The following PTPRK variants were observed in gnomAD, a reference collection of about 807,000 sequenced individuals.
PTPRK encodes the protein receptor-type tyrosine-protein phosphatase kappa.
In PTPRK, 75 loss-of-function variants were observed where a neutral mutation model predicts 178.0. The observed-to-expected ratio is 0.42, with a 90% CI of 0.35 to 0.51. The LOEUF (loss-of-function observed/expected upper bound fraction) is 0.51. Among genes scored for constraint, PTPRK ranks in the 20% least tolerant of loss-of-function variants. The pLI is 0.02. For synonymous variants in PTPRK, 637 were observed against 620.6 expected (o/e 1.03, Z -0.39); for missense variants, 1,441 against 1,797.8 (o/e 0.80, Z 3.59).
chr6:128,012,133 T>C (rs1386736288), intron 13 of PTPRK, among the ~76,000 whole-genome samples: 2 of 151,330 alleles, frequency 1.3e-5, no homozygotes, highest in Admixed American at 6.6e-5. Context: ...TTGTTTTCCT[T>C]GACTGTGAAT....
chr6:128,470,025 T>G (rs1328449160), intron 1 of PTPRK, among the ~76,000 whole-genome samples: 4 of 152,108 alleles, frequency 2.6e-5, no homozygotes, highest in Non-Finnish European at 5.9e-5. Flanking sequence ...TTTGTGTTGT[T>G]TTACGCCGCT....
chr6:128,397,001 A>AAAC (rs1006427030), intron 2 of PTPRK, among the ~76,000 whole-genome samples: 1 of 152,090 alleles, frequency 6.6e-6, no homozygotes, highest in African/African-American at 2.4e-5. Context: ...CCATATCAAA[A>AAAC]AACAACAACA....
chr6:128,318,945 T>C (rs1584124844), intron 3 of PTPRK, among the ~76,000 whole-genome samples: 2 of 152,242 alleles, frequency 1.3e-5, no homozygotes, highest in East Asian at 3.9e-4. Context: ...CCATAGCAAA[T>C]AAAACAAATG....
At chr6:128,053,631 C>CGG (rs1779424412) in intron 13 of PTPRK, among the ~76,000 whole-genome samples, 1 of 152,180 alleles carries the variant, frequency 6.6e-6, no homozygotes, top group Non-Finnish European at 1.5e-5. Flanking sequence ...TGTGGACACT[C>CGG]TACTCCCTGC....
Position 128,000,726 on chromosome 6 carries a change from C to A in PTPRK, c.2495-1822G>T, listed in dbSNP as rs1387004190. On this transcript the variant is annotated intron_variant, in intron 15 of 29. Coordinates refer to ENST00000368226, the MANE Select transcript of PTPRK (RefSeq NM_002844.4). Reference sequence around the variant, plus strand: ...GAAGCAATTGATTTGGGCACTGCCACAGAATATACAGTTAAGGATGAGAAG... The same window carrying A: ...GAAGCAATTGATTTGGGCACTGCCAAAGAATATACAGTTAAGGATGAGAAG... Among the ~76,000 whole-genome samples the A allele has an allele frequency of 2.6e-5, 4 of 152,028 alleles. No individual in the cohort carries two copies. The South Asian group carries it at 8.3e-4, about 32-fold the overall frequency.
At chr6:128,080,543 G>GT (rs1420871264) in intron 10 of PTPRK, among the ~76,000 whole-genome samples, 2 of 151,908 alleles carry the variant, frequency 1.3e-5, no homozygotes, top group South Asian at 2.1e-4. Context: ...TTATCTGAGA[G>GT]TTTTTTAGGA....
intron 20 of PTPRK, 57 bp downstream of exon 20, chr6:127,991,237 G>T: frequency 7.5e-7 from 1 of 1,336,614 alleles, no homozygotes; most frequent in Non-Finnish European, 1.0e-6. Flanking sequence ...TGTCTTACAT[G>T]TTGCTTCTCA....
chr6:128,296,163 C>T (rs1462850102), intron 3 of PTPRK, among the ~76,000 whole-genome samples: 1 of 152,048 alleles, frequency 6.6e-6, no homozygotes, highest in Non-Finnish European at 1.5e-5. Flanking sequence ...TGCTCACTGC[C>T]ATCTAGCCAC....
chr6:128,298,554 G>C (rs1824929182), intron 3 of PTPRK, among the ~76,000 whole-genome samples: 1 of 152,090 alleles, frequency 6.6e-6, no homozygotes, highest in Non-Finnish European at 1.5e-5. Context: ...GGGATGCAAG[G>C]CTGGTTCAAT....
rs1491228623 is a variant in PTPRK at position 128,197,185 on chromosome 6, T to TA, written c.869-12461_869-12460insT. On this transcript the variant is annotated intron_variant, in intron 6 of 29. Coordinates refer to ENST00000368226, the MANE Select transcript of PTPRK (RefSeq NM_002844.4). ...TTTTTTAATCTCTTTTGTTTTTTTC[T>TA]TTTTTTTTTTTTTGGCTTAAAAAAT... 7.6e-3 allele frequency among the ~76,000 whole-genome samples: 7 copies of TA among 918 alleles called. No individual in the cohort carries two copies. The South Asian group carries it at 0.35, about 46-fold the overall frequency. The allele number at this position is 918 out of a possible 152,430, so 0.6% of individuals were successfully genotyped here.
chr6:128,310,663 A>G (rs17456601), intron 3 of PTPRK, among the ~76,000 whole-genome samples: 10,779 of 152,222 alleles, frequency 0.071, 426 homozygotes, highest in African/African-American at 0.083. Context: ...GGAACTCTCA[A>G]CATGAACAAG....
intron 3 of PTPRK, among the ~76,000 whole-genome samples, chr6:128,251,551 C>T (rs944224470): frequency 1.3e-5 from 2 of 152,146 alleles, no homozygotes; most frequent in Admixed American, 6.6e-5. Flanking sequence ...GTAACTAGGG[C>T]TCCAGAGATT....
At chr6:128,221,881 C>CA (rs374015470) in intron 5 of PTPRK, among the ~76,000 whole-genome samples, 173 of 146,560 alleles carry the variant, frequency 1.2e-3, no homozygotes, top group Admixed American at 2.3e-3. Context: ...CCACATAAAC[C>CA]AAAAAAAAAA....
intron 1 of PTPRK, among the ~76,000 whole-genome samples, chr6:128,407,589 T>C (rs1841810885): frequency 7.1e-6 from 1 of 141,266 alleles, no homozygotes; most frequent in South Asian, 2.2e-4. Context: ...CAGTGAGCTA[T>C]TGTGCAACTG....
chr6:128,218,360 T>C (rs1455219961), intron 6 of PTPRK, among the ~76,000 whole-genome samples: 9 of 152,230 alleles, frequency 5.9e-5, no homozygotes, highest in Non-Finnish European at 2.9e-5. Flanking sequence ...TACAAATATG[T>C]ACTGATATGT....
chr6:128,043,249 G>T (rs11962156), intron 13 of PTPRK, among the ~76,000 whole-genome samples: 33,153 of 151,818 alleles, frequency 0.22, 4,693 homozygotes, highest in African/African-American at 0.4. Context: ...GAACATATAT[G>T]ATCATTTTAA....
At chr6:128,098,243 T>A (rs1310470251) in intron 7 of PTPRK, among the ~76,000 whole-genome samples, 1 of 152,140 alleles carries the variant, frequency 6.6e-6, no homozygotes, top group Non-Finnish European at 1.5e-5. Flanking sequence ...AATTATTCAT[T>A]TCTTCTTGTT....
intron 3 of PTPRK, among the ~76,000 whole-genome samples, chr6:128,294,575 T>C (rs1823947444): frequency 6.6e-6 from 1 of 152,082 alleles, no homozygotes; most frequent in South Asian, 2.1e-4. Flanking sequence ...ATTAAGTTAA[T>C]TTACCACATT....
At chr6:128,330,021 G>A (rs1349550910) in intron 2 of PTPRK, among the ~76,000 whole-genome samples, 1 of 152,116 alleles carries the variant, frequency 6.6e-6, no homozygotes, top group Non-Finnish European at 1.5e-5. Flanking sequence ...AGCTACCAAA[G>A]CACCAACGCA....
Sources: allele counts gnomAD v4.1 joint callset (sites outside exome capture counted in the v4.1 genomes callset), GRCh38; gene constraint gnomAD v4.1.1; transcripts MANE v1.5; gene names NCBI Gene and HGNC (gene_info 2026-07-23, HGNC 2026-07-21).